SH3D19: variants seen among roughly 807,000 people sequenced by gnomAD.
SH3D19 encodes the protein SH3 domain containing 19, also known as SH3 domain-containing protein 19.
SH3D19 carries 58 observed loss-of-function variants against 112.1 expected under a neutral mutation model. The ratio of observed to expected loss-of-function variants is 0.52; its 90% CI spans 0.42 to 0.64. The LOEUF is 0.64. Among genes scored for constraint, SH3D19 ranks in the 30% least tolerant of loss-of-function variants. The probability of loss-of-function intolerance (pLI) is 0.00; values close to 1 mark genes in which losing one functional copy is unlikely to be tolerated. For synonymous variants in SH3D19, 391 were observed against 448.5 expected (o/e 0.87, Z 1.62); for missense variants, 1,090 against 1,263.4 (o/e 0.86, Z 2.08).
chr4:151,154,111 GACACCACAC>G (rs1755600433), intron 9 of SH3D19, among the ~76,000 whole-genome samples: 1 of 147,986 alleles, frequency 6.8e-6, no homozygotes, highest in Non-Finnish European at 1.5e-5. Flanking sequence ...ATAGGCGCAT[GACACCACAC>G]CCGGCTGATT....
In SH3D19 at chr4:151,208,387, A is replaced by T. The variant is rs116594481; in HGVS notation, c.152+17660T>A. Reference sequence around the variant, plus strand: ...AAATCTTTATCTCTCTCTTTTTTTTAAAGATGGAGTTTCACTCTTGTTGCC... The same window carrying T: ...AAATCTTTATCTCTCTCTTTTTTTTTAAGATGGAGTTTCACTCTTGTTGCC... On this transcript the variant is annotated intron_variant, in intron 2 of 19. Transcript: ENST00000604030. Among the ~76,000 whole-genome samples, 846 of 152,062 alleles carry T rather than the reference A, an allele frequency of 5.6e-3. 6 individuals carry two copies. The highest frequency in any genetic ancestry group is 0.02 in the African/African-American group (824 of 41,502).
chr4:151,293,900 A>G lies in SH3D19; in HGVS notation c.112+31341T>C, dbSNP rs115188497. Reference sequence around the variant, plus strand: ...CTTTCAGCACCAGACTTCTGCATCTACTATTCCCTCTCCCCTGCTGCCCTT... The same window carrying G: ...CTTTCAGCACCAGACTTCTGCATCTGCTATTCCCTCTCCCCTGCTGCCCTT... On this transcript the variant is annotated intron_variant, in intron 1 of 19. Coordinates refer to ENST00000604030, the MANE Select transcript of SH3D19 (RefSeq NM_001378122.1). Among the ~76,000 whole-genome samples, 1,327 of 152,252 alleles carry G rather than the reference A, an allele frequency of 8.7e-3. 11 individuals are homozygous for G. The highest frequency in any genetic ancestry group is 0.014 in the Non-Finnish European group (933 of 68,014).
At chr4:151,222,172 C>T (rs1768165236) in intron 2 of SH3D19, among the ~76,000 whole-genome samples, 1 of 152,214 alleles carries the variant, frequency 6.6e-6, no homozygotes, top group African/African-American at 2.4e-5. Flanking sequence ...ATATATCCCC[C>T]TCCAAGTTCC....
chr4:151,198,498 G>C (rs1763911245), intron 2 of SH3D19, among the ~76,000 whole-genome samples: 1 of 147,200 alleles, frequency 6.8e-6, no homozygotes. Context: ...TTTCAAATGT[G>C]AATGCCCTAG....
chr4:151,135,600 GTATTTT>G (rs1751668859), intron 14 of SH3D19, among the ~76,000 whole-genome samples: 1 of 151,716 alleles, frequency 6.6e-6, no homozygotes, highest in South Asian at 2.1e-4. Context: ...GCAAATTTTT[GTATTTT>G]TAGTAGAGAC....
At chr4:151,247,543 GA>G (rs1030469979) in intron 1 of SH3D19, among the ~76,000 whole-genome samples, 23 of 152,232 alleles carry the variant, frequency 1.5e-4, no homozygotes, top group Middle Eastern at 3.4e-3. Context: ...TTACCTGCTT[GA>G]AATGTACAAT....
At chr4:151,181,064 C>T (rs575694613) in intron 3 of SH3D19, among the ~76,000 whole-genome samples, 6 of 152,024 alleles carry the variant, frequency 3.9e-5, no homozygotes, top group Admixed American at 2.0e-4. Context: ...TGAGCCACCA[C>T]GCCCGGCCTA....
At chr4:151,263,363 T>C (rs1477170113) in intron 1 of SH3D19, among the ~76,000 whole-genome samples, 1 of 152,106 alleles carries the variant, frequency 6.6e-6, no homozygotes, top group African/African-American at 2.4e-5. Context: ...CATCCAACCC[T>C]GGGATTAGAC....
intron 2 of SH3D19, among the ~76,000 whole-genome samples, chr4:151,200,034 A>G (rs1318136813): frequency 6.6e-6 from 1 of 152,126 alleles, no homozygotes; most frequent in African/African-American, 2.4e-5. Flanking sequence ...CCTTTCTGCC[A>G]TAAGAGGAAA....
intron 2 of SH3D19, among the ~76,000 whole-genome samples, chr4:151,222,346 C>T (rs1473353298): frequency 3.3e-5 from 5 of 152,208 alleles, no homozygotes; most frequent in African/African-American, 1.2e-4. Context: ...CAATTATTAA[C>T]AGTTTCCAAT....
At chr4:151,180,912 T>C (rs1408315257) in intron 3 of SH3D19, among the ~76,000 whole-genome samples, 10 of 146,076 alleles carry the variant, frequency 6.8e-5, no homozygotes, top group South Asian at 2.2e-4. Context: ...TACAGGTGCC[T>C]GCCACCATGC....
intron 7 of SH3D19, among the ~76,000 whole-genome samples, chr4:151,172,755 G>A (rs1275114704): frequency 6.6e-6 from 1 of 152,182 alleles, no homozygotes; most frequent in African/African-American, 2.4e-5. Flanking sequence ...AATCTGAACA[G>A]CTAGCCACTG....
chr4:151,140,109 A>G (rs1752726228), intron 12 of SH3D19: 2 of 406,636 alleles, frequency 4.9e-6, no homozygotes, highest in Admixed American at 8.2e-5. Context: ...AAGCTGAGAG[A>G]GTAAAACAAA....
intron 19 of SH3D19, among the ~76,000 whole-genome samples, chr4:151,126,850 G>T (rs891598069): frequency 2.1e-5 from 2 of 94,936 alleles, no homozygotes; most frequent in Non-Finnish European, 4.3e-5. Context: ...ACTTTAAGAA[G>T]AAATTAGGCA....
intron 9 of SH3D19, among the ~76,000 whole-genome samples, chr4:151,150,282 CAT>C (rs1185140930): frequency 6.8e-5 from 9 of 131,674 alleles, no homozygotes; most frequent in East Asian, 2.2e-4. Context: ...TATACACACA[CAT>C]ATATATACAT....
At chr4:151,321,254 G>A (rs1328266705) in intron 1 of SH3D19, among the ~76,000 whole-genome samples, 1 of 151,970 alleles carries the variant, frequency 6.6e-6, no homozygotes, top group African/African-American at 2.4e-5. Flanking sequence ...CCATGAATGG[G>A]GGACTTTCAG....
intron 7 of SH3D19, among the ~76,000 whole-genome samples, chr4:151,167,586 G>C (rs1276934015): frequency 1.3e-5 from 2 of 152,074 alleles, no homozygotes; most frequent in African/African-American, 4.8e-5. Flanking sequence ...TTTCTTTGTA[G>C]CAGTTTTGTT....
intron 3 of SH3D19, among the ~76,000 whole-genome samples, chr4:151,183,644 G>A (rs922844487): frequency 1.3e-5 from 2 of 152,124 alleles, no homozygotes; most frequent in African/African-American, 4.8e-5. Flanking sequence ...GATGTCAGAA[G>A]AAATAAACAC....
At chr4:151,204,188 C>T (rs1764784112) in intron 2 of SH3D19, among the ~76,000 whole-genome samples, 1 of 152,098 alleles carries the variant, frequency 6.6e-6, no homozygotes, top group South Asian at 2.1e-4. Flanking sequence ...ACTGTAAACA[C>T]TGAGTGACAG....
Sources: gnomAD v4.1 joint callset for allele counts (sites outside exome capture counted in the v4.1 genomes callset) on GRCh38, gnomAD v4.1.1 for gene constraint, MANE v1.5 for transcripts, NCBI Gene and HGNC (gene_info 2026-07-23, HGNC 2026-07-21) for gene names.